The following SDK2 variants were observed in gnomAD, a reference collection of about 807,000 sequenced individuals.
The protein encoded by SDK2 is protein sidekick-2.
Under a neutral mutation model 253.9 loss-of-function variants are expected in SDK2, and 105 were observed. The ratio of observed to expected loss-of-function variants is 0.41; its 90% CI spans 0.35 to 0.49. The LOEUF (loss-of-function observed/expected upper bound fraction) is 0.49, where lower values mean the gene tolerates loss of function less well. Ranked by LOEUF, SDK2 falls within the 20% of genes least tolerant of loss-of-function variation. The pLI, the probability that SDK2 is intolerant of heterozygous loss-of-function variation, is 0.06. For synonymous variants in SDK2, 1,249 were observed against 1,234.9 expected (o/e 1.01, Z -0.24); for missense variants, 2,608 against 3,003.0 (o/e 0.87, Z 3.07).
intron 2 of SDK2, among the ~76,000 whole-genome samples, chr17:73,487,307 G>A (rs1260002853): frequency 1.3e-5 from 2 of 152,244 alleles, no homozygotes; most frequent in Non-Finnish European, 2.9e-5. Flanking sequence ...TAGCCTTATG[G>A]AAGGAGCAAG....
chr17:73,392,111 C>T (rs540987813), intron 27 of SDK2, among the ~76,000 whole-genome samples: 9 of 147,566 alleles, frequency 6.1e-5, no homozygotes, highest in African/African-American at 1.2e-4. Context: ...GAAGGCCAAG[C>T]GGTAGCTATT....
chr17:73,505,347 G>A (rs12600951), intron 2 of SDK2, among the ~76,000 whole-genome samples: 48,120 of 152,104 alleles, frequency 0.32, 8,339 homozygotes, highest in South Asian at 0.43. Flanking sequence ...CTGTAAAATG[G>A]GGGGAAATAA....
At chr17:73,545,021 C>A (rs949624592) in intron 1 of SDK2, among the ~76,000 whole-genome samples, 4 of 151,868 alleles carry the variant, frequency 2.6e-5, no homozygotes, top group African/African-American at 9.7e-5. Flanking sequence ...TTCCTTGGGC[C>A]CCCTCCTGTT....
intron 1 of SDK2, among the ~76,000 whole-genome samples, chr17:73,599,396 G>A (rs1440945851): frequency 6.6e-6 from 1 of 152,244 alleles, no homozygotes; most frequent in East Asian, 1.9e-4. Flanking sequence ...GCCTGGCGTG[G>A]TGGTGGGCAC....
At chr17:73,369,601 C>T (rs1182730320) in intron 36 of SDK2, among the ~76,000 whole-genome samples, 1 of 152,234 alleles carries the variant, frequency 6.6e-6, no homozygotes, top group Non-Finnish European at 1.5e-5. Context: ...TCCTAAGGAA[C>T]CCCGTGGCTG....
chr17:73,529,264 C>A (rs1369525837), intron 1 of SDK2, among the ~76,000 whole-genome samples: 1 of 152,120 alleles, frequency 6.6e-6, no homozygotes, highest in East Asian at 1.9e-4. Flanking sequence ...GAGGACCAGG[C>A]TGGAAAACAG....
At chr17:73,371,947 G>A (rs552158331) in intron 36 of SDK2, among the ~76,000 whole-genome samples, 4 of 89,664 alleles carry the variant, frequency 4.5e-5, no homozygotes, top group South Asian at 4.6e-4. Context: ...GCAACGGAGC[G>A]AGAGTCCGTT....
chr17:73,393,199 C>A (rs139361227), intron 27 of SDK2, among the ~76,000 whole-genome samples: 6 of 139,928 alleles, frequency 4.3e-5, no homozygotes, highest in African/African-American at 1.6e-4. Context: ...GGGCCAAGAT[C>A]GCACCACTGC....
chr17:73,393,355 C>T (rs747956813), intron 27 of SDK2, among the ~76,000 whole-genome samples: 18 of 152,126 alleles, frequency 1.2e-4, no homozygotes, highest in Middle Eastern at 3.2e-3. Flanking sequence ...AAACTGCCTC[C>T]GCATTGTCCT....
intron 1 of SDK2, among the ~76,000 whole-genome samples, chr17:73,571,633 G>A (rs976364367): frequency 6.3e-4 from 96 of 152,222 alleles, no homozygotes; most frequent in African/African-American, 1.9e-3. Flanking sequence ...CATTAGGGCC[G>A]AGGAGCTCCG....
rs746948415 is a variant in SDK2 at position 73,609,334 on chromosome 17, G to T, written c.64+34691C>A. Among the ~76,000 whole-genome samples the T allele has an allele frequency of 1.3e-5, 2 of 152,138 alleles. No homozygotes were observed. Among genetic ancestry groups the T allele is most frequent in the Non-Finnish European group, 2.9e-5 (2 of 68,022 alleles). On this transcript the variant is annotated intron_variant, in intron 1 of 44. Transcript: ENST00000392650. The surrounding 1 kb of genome is among the most constrained non-coding windows in gnomAD (Gnocchi z 4.4). The stretch of plus-strand genomic sequence containing the variant: ...GAGAGCCCAGAACTGAGTCCAGAAC[G>T]CCCTGACATCAGAGGCTGGACCAGG...
rs1284757912 is a variant in SDK2 at position 73,400,813 on chromosome 17, C to T, written c.2971+207G>A. Among the ~76,000 whole-genome samples, 3 of 152,200 alleles carry T rather than the reference C, an allele frequency of 2.0e-5. No homozygotes were observed. The East Asian group carries it at 5.8e-4, about 29-fold the overall frequency. On this transcript the variant is annotated intron_variant, in intron 21 of 44. Coordinates refer to ENST00000392650, the MANE Select transcript of SDK2 (RefSeq NM_001144952.2). ...GGATCACAAGCATGCACCACCACAG[C>T]TGGCTAATTTTTGTATTTTTAGTAG...
chr17:73,581,899 A>G (rs1335101027), intron 1 of SDK2, among the ~76,000 whole-genome samples: 1 of 152,206 alleles, frequency 6.6e-6, no homozygotes, highest in East Asian at 1.9e-4. Flanking sequence ...AGGGACTCAC[A>G]GCCCACACTA....
Position 73,390,441 on chromosome 17 carries a change from G to A in SDK2, c.4038C>T (p.Asn1346=). The A allele has an allele frequency of 1.9e-6, 3 of 1,612,538 alleles. No homozygotes were observed. The highest frequency in any genetic ancestry group is 2.5e-6 in the Non-Finnish European group (3 of 1,179,300). ...ITHRLNTTTA[N]TATVEVLAPS... ...GTGCCAGCACCTCCACAGTGGCGGT[G>A]TTGGCCGTGGTGGTGTTGAGCCGGT... is the stretch of plus-strand genomic sequence containing the variant. Residue 1346 remains asparagine, a synonymous_variant, in exon 29 of 45, where the codon AAC becomes AAT. Coordinates refer to ENST00000392650, the MANE Select transcript of SDK2 (RefSeq NM_001144952.2).
At chr17:73,388,179 C>T in intron 29 of SDK2, 142 bp from the exon 30 acceptor site, 1 of 649,048 alleles carries the variant, frequency 1.5e-6, no homozygotes, top group Admixed American at 2.5e-5. Context: ...CACGCAGGAT[C>T]CTTGCAGGTT....
chr17:73,355,172 A>ATTTTTTTTTTT (rs1450719562), intron 40 of SDK2, among the ~76,000 whole-genome samples: 4 of 23,320 alleles, frequency 1.7e-4, no homozygotes, highest in Admixed American at 4.5e-4. Flanking sequence ...ATATATATAT[A>ATTTTTTTTTTT]TATTTTTTTT....
chr17:73,394,150 G>C (rs1224562277), intron 26 of SDK2, 59 bp downstream of exon 26: 6 of 1,062,922 alleles, frequency 5.6e-6, no homozygotes, highest in Non-Finnish European at 7.9e-6. Context: ...AGGCCCCTTG[G>C]ATGGAGAGGC....
At chr17:73,535,052 C>T (rs2044751019) in intron 1 of SDK2, among the ~76,000 whole-genome samples, 1 of 152,140 alleles carries the variant, frequency 6.6e-6, no homozygotes, top group Admixed American at 6.5e-5. Flanking sequence ...AGAGTGGAAC[C>T]TCTTCCCTGC....
At chr17:73,574,061 A>G (rs62070895) in intron 1 of SDK2, among the ~76,000 whole-genome samples, 1,936 of 152,076 alleles carry the variant, frequency 0.013, 16 homozygotes, top group Non-Finnish European at 0.017. Flanking sequence ...GCTCACATCT[A>G]TGCGCTTCCT....
Sources: allele counts gnomAD v4.1 joint callset (sites outside exome capture counted in the v4.1 genomes callset), GRCh38; gene constraint gnomAD v4.1.1; non-coding constraint Gnocchi (gnomAD v3.1); transcripts MANE v1.5; gene names NCBI Gene and HGNC (gene_info 2026-07-23, HGNC 2026-07-21).